PEG3: variants seen among roughly 807,000 people sequenced by gnomAD.
PEG3 encodes the protein paternally expressed 3.
A neutral mutation model predicts 35.5 loss-of-function variants in PEG3; 23 were observed. The ratio of observed to expected loss-of-function variants is 0.65; its 90% CI spans 0.47 to 0.92. The LOEUF is 0.92. PEG3 is among the 40% of genes least tolerant of loss of function. PEG3 has a pLI of 0.00. For synonymous variants in PEG3, 707 were observed against 697.0 expected (o/e 1.01, Z -0.23); for missense variants, 1,960 against 1,985.3 (o/e 0.99, Z 0.24).
Position 56,810,277 on chromosome 19 carries a change from C to A in PEG3, c.*3398G>T, listed in dbSNP as rs375125357. ...GTAACTTCAAAGTTTCTATAATGAA[C>A]ACATTTCATATATAATGGAAATATA... is the stretch of plus-strand genomic sequence containing the variant. On this transcript the variant is annotated 3_prime_UTR_variant, in exon 10 of 10. Coordinates refer to ENST00000326441, the MANE Select transcript of PEG3 (RefSeq NM_006210.3). 2 of 980,922 alleles carry A rather than the reference C, an allele frequency of 2.0e-6. No homozygotes were observed. The highest frequency in any genetic ancestry group is 3.5e-5 in the African/African-American group (2 of 57,120). The allele number at this position is 980,922 out of a possible 1,614,324, so 60.8% of individuals were successfully genotyped here. A position where few individuals can be genotyped will look rare whatever the true frequency, so the allele number is the denominator to read the frequency against.
At chr19:56,824,072 G>T (rs1335269973) in intron 4 of PEG3, among the ~76,000 whole-genome samples, 190 bp downstream of exon 4, 6 of 152,150 alleles carry the variant, frequency 3.9e-5, no homozygotes, top group Non-Finnish European at 7.4e-5. Flanking sequence ...GGCATGTGTG[G>T]AGACACTTTT....
intron 5 of PEG3, 41 bp downstream of exon 5, chr19:56,823,552 C>A: frequency 6.8e-6 from 11 of 1,612,536 alleles, no homozygotes; most frequent in Non-Finnish European, 9.3e-6. Flanking sequence ...CATCTGGCAG[C>A]GCCTGCCCAT....
Position 56,815,453 on chromosome 19 carries a change from A to G in PEG3, c.2989T>C (p.Ser997Pro), listed in dbSNP as rs1370003561. Residue 997 changes from serine to proline, a missense_variant, in exon 10 of 10, where the codon TCT becomes CCT. Coordinates refer to ENST00000326441, the MANE Select transcript of PEG3 (RefSeq NM_006210.3). ...HQKIHDREKPSGSRNYEWSVI... is the reference protein window; with the variant it reads ...HQKIHDREKPPGSRNYEWSVI... ...GACCATTCATAGTTTCTGCTTCCAG[A>G]GGGCTTCTCCCTATCATGAATCTTC... 1.2e-6 allele frequency: 2 copies of G among 1,614,086 alleles called. No homozygotes were observed. The highest frequency in any genetic ancestry group is 1.7e-6 in the Non-Finnish European group (2 of 1,179,974).
chr19:56,839,748 A>G (rs915397979), intron 1 of PEG3, among the ~76,000 whole-genome samples: 2 of 152,116 alleles, frequency 1.3e-5, no homozygotes, highest in African/African-American at 4.8e-5. Flanking sequence ...GCCTCGCCCC[A>G]TCTGCCACCA....
At chr19:56,833,022 GAAGATCCATGGCTTTAATC>G in intron 2 of PEG3, 1 of 374,884 alleles carries the variant, frequency 2.7e-6, no homozygotes, top group Non-Finnish European at 5.3e-6. Flanking sequence ...AGAAGTCAGG[GAAGATCCATGGCTTTAATC>G]AGAGAAATGA....
intron 7 of PEG3, among the ~76,000 whole-genome samples, chr19:56,820,606 C>T (rs528805360): frequency 8.5e-5 from 13 of 152,258 alleles, no homozygotes; most frequent in Non-Finnish European, 1.6e-4. Context: ...ACACCTGACC[C>T]GGCGTGCTCC....
chr19:56,838,401 G>A (rs2062457455), intron 1 of PEG3, among the ~76,000 whole-genome samples: 2 of 152,184 alleles, frequency 1.3e-5, no homozygotes, highest in Non-Finnish European at 2.9e-5. Flanking sequence ...AGGCGGTGAG[G>A]GGCAGTGGAG....
chr19:56,811,211 T>C lies in PEG3; in HGVS notation c.*2464A>G, dbSNP rs1421354646. 6.2e-6 allele frequency: 6 copies of C among 969,816 alleles called. No individual in the cohort carries two copies. Among genetic ancestry groups the C allele is most frequent in the Non-Finnish European group, 7.4e-6 (6 of 815,948 alleles). The allele number at this position is 969,816 out of a possible 1,614,324, so 60.1% of individuals were successfully genotyped here. ...TTTAGTAACACTACCATAAAGAACA[T>C]TCAAGAAATTTAAGAAAATAATGCT... is the stretch of plus-strand genomic sequence containing the variant. On this transcript the variant is annotated 3_prime_UTR_variant, in exon 10 of 10. Coordinates refer to ENST00000326441, the MANE Select transcript of PEG3 (RefSeq NM_006210.3).
chr19:56,811,213 C>T lies in PEG3; in HGVS notation c.*2462G>A. On this transcript the variant is annotated 3_prime_UTR_variant, in exon 10 of 10. Coordinates refer to ENST00000326441, the MANE Select transcript of PEG3 (RefSeq NM_006210.3). ...TAGTAACACTACCATAAAGAACATT[C>T]AAGAAATTTAAGAAAATAATGCTCA... The T allele has an allele frequency of 1.0e-6, 1 of 970,082 alleles. No individual in the cohort carries two copies. Among genetic ancestry groups the T allele is most frequent in the Non-Finnish European group, 1.2e-6 (1 of 816,112 alleles). The allele number at this position is 970,082 out of a possible 1,614,324, so 60.1% of individuals were successfully genotyped here.
rs756641557 is a variant in PEG3, at chr19:56,816,892, C to T, written c.1550G>A (p.Ser517Asn). Residue 517 changes from serine (S) to asparagine (N), a missense_variant, in exon 10 of 10, where the codon AGT (serine) becomes AAT (asparagine). Around this residue, in one of 5 missense-constraint regions of PEG3, gnomAD observed 798 missense variants for 782.4 expected, o/e 1.02. Transcript: ENST00000326441. ...CTTCCGATGTTCAGCCAAGGCGGCA[C>T]TCTTATTGAAGGTCTCTCCACAGTC... is the stretch of plus-strand genomic sequence containing the variant. Reference protein sequence around the residue: ...CKDCGETFNKSAALAEHRKIH... With the variant: ...CKDCGETFNKNAALAEHRKIH... 17 of 1,614,086 alleles carry T rather than the reference C, an allele frequency of 1.1e-5. No homozygotes were observed. Among genetic ancestry groups the T allele is most frequent in the Middle Eastern group, 1.6e-4 (1 of 6,084 alleles).
chr19:56,824,045 CGACCAGGG>C (rs2060776007), intron 4 of PEG3, among the ~76,000 whole-genome samples: 1 of 152,112 alleles, frequency 6.6e-6, no homozygotes, highest in Non-Finnish European at 1.5e-5. Context: ...GAGGTTTTGG[CGACCAGGG>C]GATACCTGGG....
intron 2 of PEG3, chr19:56,833,430 G>A (rs1019831182): frequency 5.7e-5 from 19 of 333,966 alleles, no homozygotes; most frequent in Non-Finnish European, 8.2e-5. Flanking sequence ...TCTGCAGACC[G>A]ACATTCTCTA....
chr19:56,818,476 TTTC>T (rs2060188398), intron 8 of PEG3, 121 bp downstream of exon 8: 1 of 1,047,962 alleles, frequency 9.5e-7, no homozygotes, highest in Non-Finnish European at 1.4e-6. Context: ...CTTTCAAAGA[TTTC>T]TTATTACCCT....
At position 56,815,654 on chromosome 19, in the gene PEG3, G is replaced by T. The variant is rs200424391; in HGVS notation, c.2788C>A (p.Arg930Ser). 2 of 1,614,044 alleles carry T rather than the reference G, an allele frequency of 1.2e-6. No individual in the cohort carries two copies. Among genetic ancestry groups the T allele is most frequent in the Non-Finnish European group, 1.7e-6 (2 of 1,179,974 alleles). ...GEFSVPSSNV[R>S]EYQKARAKKK... ...TTAGCACGAGCCTTCTGGTATTCAC[G>T]GACATTTGAGCTGGGAACAGAGAAT... is the stretch of plus-strand genomic sequence containing the variant. Residue 930 changes from arginine (R) to serine (S), a missense_variant, in exon 10 of 10, where the codon CGT (arginine) becomes AGT (serine). This residue lies in a region of PEG3 where 798 missense variants were observed against 782.4 expected (regional missense o/e 1.02). Transcript: ENST00000326441.
rs2059617705 is a variant in PEG3 at position 56,812,699 on chromosome 19, G to T, written c.*976C>A. ...CTCCTACGGTTCTCAACCTTCATTA[G>T]GCACTACTGTGATCTAGTGATGGTT... On this transcript the variant is annotated 3_prime_UTR_variant, in exon 10 of 10. Coordinates refer to ENST00000326441, the MANE Select transcript of PEG3 (RefSeq NM_006210.3). 1.0e-6 allele frequency: 1 copy of T among 984,782 alleles called. No homozygotes were observed. Among genetic ancestry groups the T allele is most frequent in the East Asian group, 1.1e-4 (1 of 8,798 alleles). The allele number at this position is 984,782 out of a possible 1,614,324, so 61.0% of individuals were successfully genotyped here.
rs2059613652 is a variant in PEG3, at chr19:56,812,636, G to T, written c.*1039C>A. On this transcript the variant is annotated 3_prime_UTR_variant, in exon 10 of 10. Coordinates refer to ENST00000326441, the MANE Select transcript of PEG3 (RefSeq NM_006210.3). ...AAGCGCACAAAGGAAGTGATGAAAG[G>T]TTATTAGCCTGCAACATTATTTACA... 1.0e-6 allele frequency: 1 copy of T among 985,542 alleles called. No homozygotes were observed. The highest frequency in any genetic ancestry group is 6.2e-5 in the Admixed American group (1 of 16,246). 61.0% of individuals were successfully genotyped at this position (985,542 alleles called of 1,614,324 possible).
chr19:56,813,559 T>C lies in PEG3; in HGVS notation c.*116A>G. ...GAGTTTAGAGATGTTAAGTCAGGTGTGTAACACACTAAGGTTAAGTCTCCT... is the reference window on the plus strand; with the variant it reads ...GAGTTTAGAGATGTTAAGTCAGGTGCGTAACACACTAAGGTTAAGTCTCCT... On this transcript the variant is annotated 3_prime_UTR_variant, in exon 10 of 10. Transcript: ENST00000326441. The C allele has an allele frequency of 4.1e-6, 6 of 1,457,244 alleles. No individual in the cohort carries two copies. The highest frequency in any genetic ancestry group is 5.4e-6 in the Non-Finnish European group (6 of 1,101,832). 90.3% of individuals were successfully genotyped at this position (1,457,244 alleles called of 1,614,324 possible).
Position 56,836,969 on chromosome 19 carries a change from C to CAAAAAAA in PEG3, c.-249-872_-249-866dup, listed in dbSNP as rs573566620. Reference sequence around the variant, plus strand: ...TGGGTGAGAGGGCCAGACTCTGTCTCAAAAAAAAAAAAAAAAAAAAAAAAA... The same window carrying CAAAAAAA: ...TGGGTGAGAGGGCCAGACTCTGTCTCAAAAAAAAAAAAAAAAAAAAAAAAAAAAAAAA... On this transcript the variant is annotated intron_variant, in intron 1 of 9. Transcript: ENST00000326441. Among the ~76,000 whole-genome samples the CAAAAAAA allele has an allele frequency of 1.6e-4, 19 of 116,982 alleles. No homozygotes were observed. In the East Asian group the frequency reaches 2.6e-3, roughly 16 times the overall value. The allele number at this position is 116,982 out of a possible 152,430, so 76.7% of individuals were successfully genotyped here. A position where few individuals can be genotyped will look rare whatever the true frequency, so the allele number is the denominator to read the frequency against.
chr19:56,839,240 G>C, intron 1 of PEG3, among the ~76,000 whole-genome samples: 1 of 149,018 alleles, frequency 6.7e-6, no homozygotes, highest in Admixed American at 6.7e-5. Flanking sequence ...CAGCACCTGC[G>C]CAGCAAACTC....
Sources: gnomAD v4.1 joint callset for allele counts (sites outside exome capture counted in the v4.1 genomes callset) on GRCh38, gnomAD v4.1.1 for gene constraint, gnomAD v4.1.1 regional missense constraint, MANE v1.5 for transcripts, NCBI Gene and HGNC (gene_info 2026-07-23, HGNC 2026-07-21) for gene names.